Variants in GDI2 observed in about 807,000 individuals in gnomAD.
GDI2 encodes GDP dissociation inhibitor 2, also known as rab GDP dissociation inhibitor beta.
In GDI2, 22 loss-of-function variants were observed where a neutral mutation model predicts 54.2. That is an observed-to-expected ratio of 0.41 (90% CI 0.29 to 0.58). GDI2 has a LOEUF of 0.58. Among genes scored for constraint, GDI2 ranks in the 20% least tolerant of loss-of-function variants. The pLI, the probability that GDI2 is intolerant of heterozygous loss-of-function variation, is 0.35. For synonymous variants in GDI2, 177 were observed against 182.1 expected, an observed-to-expected ratio of 0.97 and a Z score of 0.23; for missense variants, 422 against 546.0, an observed-to-expected ratio of 0.77 and a Z score of 2.26.
Position 5,795,034 on chromosome 10 carries a change from T to G in GDI2, c.254-15A>C. The G allele has an allele frequency of 3.3e-6, 5 of 1,504,420 alleles. No homozygotes were observed. The highest frequency in any genetic ancestry group is 4.6e-6 in the Non-Finnish European group (5 of 1,083,834). 93.2% of individuals were successfully genotyped at this position (1,504,420 alleles called of 1,614,324 possible). A position where few individuals can be genotyped will look rare whatever the true frequency, so the allele number is the denominator to read the frequency against. Reference sequence around the variant, plus strand: ...AACCAGCTGACCTAGAAAAGTCACATAATTCAAACTATAACTTAAGTCTAT... The same window carrying G: ...AACCAGCTGACCTAGAAAAGTCACAGAATTCAAACTATAACTTAAGTCTAT... On this transcript the variant is annotated splice_polypyrimidine_tract_variant and intron_variant, in intron 3 of 10. Coordinates refer to ENST00000380191, the MANE Select transcript of GDI2 (RefSeq NM_001494.4).
chr10:5,769,937 C>G (rs916299862), intron 7 of GDI2, among the ~76,000 whole-genome samples: 1 of 152,204 alleles, frequency 6.6e-6, no homozygotes, highest in African/African-American at 2.4e-5. Context: ...CACCCATTTT[C>G]AGAGTAGCAT....
At chr10:5,786,471 G>A (rs1208121123) in intron 4 of GDI2, among the ~76,000 whole-genome samples, 1 of 152,042 alleles carries the variant, frequency 6.6e-6, no homozygotes, top group African/African-American at 2.4e-5. Context: ...CTAAAATGCA[G>A]GATGCAATTT....
chr10:5,772,081 A>T (rs919068345), intron 7 of GDI2, among the ~76,000 whole-genome samples: 2 of 151,962 alleles, frequency 1.3e-5, no homozygotes, highest in Non-Finnish European at 2.9e-5. Context: ...GAGAAGAAAA[A>T]AAAAAACACA....
intron 2 of GDI2, 99 bp downstream of exon 2, chr10:5,800,499 C>T: frequency 1.4e-6 from 1 of 733,382 alleles, no homozygotes; most frequent in Non-Finnish European, 2.5e-6. Context: ...TTCCATTTAA[C>T]AAAACAAAAT....
chr10:5,770,369 T>C (rs531851416), intron 7 of GDI2, among the ~76,000 whole-genome samples: 1 of 152,188 alleles, frequency 6.6e-6, no homozygotes, highest in Admixed American at 6.5e-5. Context: ...AAGACCAGCC[T>C]GGCCAACATG....
At chr10:5,794,188 A>AAAAAAAT (rs1448053813) in intron 4 of GDI2, among the ~76,000 whole-genome samples, 1 of 40,340 alleles carries the variant, frequency 2.5e-5, no homozygotes, top group African/African-American at 1.0e-4. Context: ...AAAAAAAAAA[A>AAAAAAAT]ATATATATAT....
chr10:5,777,728 G>A (rs955795252), intron 6 of GDI2, among the ~76,000 whole-genome samples: 2 of 152,160 alleles, frequency 1.3e-5, no homozygotes, highest in Admixed American at 1.3e-4. Flanking sequence ...ACAGTGTGGT[G>A]ATTCCTCAAG....
At chr10:5,778,719 G>A (rs1840682774) in intron 6 of GDI2, among the ~76,000 whole-genome samples, 1 of 152,144 alleles carries the variant, frequency 6.6e-6, no homozygotes, top group Admixed American at 6.5e-5. Context: ...ATGCATGAGT[G>A]GAAGTAATGC....
At chr10:5,772,761 CAAAT>C (rs551728024) in intron 7 of GDI2, among the ~76,000 whole-genome samples, 3 of 152,002 alleles carry the variant, frequency 2.0e-5, no homozygotes, top group African/African-American at 4.8e-5. Context: ...TTTGATGTCT[CAAAT>C]AAATAAATAA....
At position 5,794,935 on chromosome 10, in the gene GDI2, C is replaced by A. The variant is rs202121128; in HGVS notation, c.338G>T (p.Gly113Val). The change falls in exon 4 of 11, where the codon GGT (glycine) becomes GTT (valine). Residue 113 changes from glycine to valine, a missense_variant. Transcript: ENST00000380191. ...GGAAGGAACCTTGTAGATTTTTCCA[C>A]CCTTATAGACAAAGCTCCCTTCAGT... Reference protein sequence around the residue: ...KVTEGSFVYKGGKIYKVPSTE... With the variant: ...KVTEGSFVYKVGKIYKVPSTE... 1 of 1,603,598 alleles carries A rather than the reference C, an allele frequency of 6.2e-7. No individual in the cohort carries two copies. The highest frequency in any genetic ancestry group is 1.7e-5 in the Admixed American group (1 of 59,968).
intron 6 of GDI2, among the ~76,000 whole-genome samples, chr10:5,779,685 A>C (rs1840708008): frequency 6.7e-6 from 1 of 149,222 alleles, no homozygotes; most frequent in South Asian, 2.1e-4. Context: ...GAAAAAAAAA[A>C]GTTTGATGCT....
chr10:5,776,404 C>T lies in GDI2; in HGVS notation c.720-2463G>A, dbSNP rs957458261. On this transcript the variant is annotated intron_variant, in intron 6 of 10. Coordinates refer to ENST00000380191, the MANE Select transcript of GDI2 (RefSeq NM_001494.4). The surrounding 1 kb of genome is among the most constrained non-coding windows in gnomAD (Gnocchi z 5.3). ...AGCCCTTTCACAGAGAAATGCCTGCCTGAGATTCAAGGGATCTTTGACAGG... is the reference window on the plus strand; with the variant it reads ...AGCCCTTTCACAGAGAAATGCCTGCTTGAGATTCAAGGGATCTTTGACAGG... 2 of 766,900 alleles carry T rather than the reference C, an allele frequency of 2.6e-6. No homozygotes were observed. The highest frequency in any genetic ancestry group is 3.5e-5 in the African/African-American group (2 of 57,812). The allele number at this position is 766,900 out of a possible 1,614,324, so 47.5% of individuals were successfully genotyped here. A position where few individuals can be genotyped will look rare whatever the true frequency, so the allele number is the denominator to read the frequency against.
chr10:5,790,273 CT>C (rs1389669602), intron 4 of GDI2, among the ~76,000 whole-genome samples: 2 of 152,264 alleles, frequency 1.3e-5, no homozygotes, highest in Admixed American at 1.3e-4. Flanking sequence ...TGTAAATGTA[CT>C]TTCTCTTCCT....
At position 5,799,496 on chromosome 10, in the gene GDI2, A is replaced by G. The variant is rs145247749; in HGVS notation, c.153+1102T>C. Among the ~76,000 whole-genome samples the G allele has an allele frequency of 6.0e-3, 903 of 151,356 alleles. 12 individuals carry two copies. The highest frequency in any genetic ancestry group is 0.041 in the Middle Eastern group (12 of 292). ...GTGGAACCCCGTCTCTACTAAAAAT[A>G]CAAAAATTAGCCAGGCATGGTGGTG... On this transcript the variant is annotated intron_variant, in intron 2 of 10. Coordinates refer to ENST00000380191, the MANE Select transcript of GDI2 (RefSeq NM_001494.4).
intron 4 of GDI2, among the ~76,000 whole-genome samples, chr10:5,794,196 T>A (rs1423798240): frequency 0.054 from 1,975 of 36,504 alleles, 125 homozygotes; most frequent in East Asian, 0.094. Flanking sequence ...AAAATATATA[T>A]ATATATATAT....
intron 2 of GDI2, among the ~76,000 whole-genome samples, chr10:5,798,567 T>C (rs1841197735): frequency 6.8e-6 from 1 of 146,272 alleles, no homozygotes; most frequent in Admixed American, 7.0e-5. Flanking sequence ...GCAGCCTGGG[T>C]GACAGAGAAA....
chr10:5,786,998 TA>T (rs1399855884), intron 4 of GDI2, among the ~76,000 whole-genome samples: 1 of 152,232 alleles, frequency 6.6e-6, no homozygotes, highest in African/African-American at 2.4e-5. Context: ...GTATTTCAAC[TA>T]ATCATAGATG....
chr10:5,771,001 A>T (rs371963469), intron 7 of GDI2, among the ~76,000 whole-genome samples: 1 of 138,300 alleles, frequency 7.2e-6, no homozygotes. Context: ...GGTAAATTTT[A>T]TGGGTACTTT....
Position 5,778,079 on chromosome 10 carries a change from G to T in GDI2, c.720-4138C>A, listed in dbSNP as rs1223663424. On this transcript the variant is annotated intron_variant, in intron 6 of 10. Transcript: ENST00000380191. ...ATGTTCTCACTCATAAGTGGGAGTT[G>T]AACAATGACAACACATGGACACAGG... Among the ~76,000 whole-genome samples the T allele has an allele frequency of 2.0e-5, 3 of 152,256 alleles. No individual in the cohort carries two copies. In the East Asian group the frequency reaches 5.8e-4, roughly 29 times the overall value.
Sources: gnomAD v4.1 joint callset for allele counts (sites outside exome capture counted in the v4.1 genomes callset) on GRCh38, gnomAD v4.1.1 for gene constraint, Gnocchi (gnomAD v3.1) non-coding constraint, MANE v1.5 for transcripts, NCBI Gene and HGNC (gene_info 2026-07-23, HGNC 2026-07-21) for gene names.